Variants in CFAP90 observed in about 807,000 individuals in gnomAD.
The protein encoded by CFAP90 is cilia and flagella associated protein 90, also known as cilia- and flagella-associated protein 90.
the CFAP90 span, among the ~76,000 whole-genome samples, chr5:7,848,479 C>A: frequency 1.3e-5 from 2 of 152,184 alleles, no homozygotes; most frequent in Non-Finnish European, 2.9e-5. Context: ...CGTGGCTTAA[C>A]CAACAGAATT....
chr5:7,831,855 A>T, the CFAP90 span: 3 of 1,611,916 alleles, frequency 1.9e-6, no homozygotes, highest in Non-Finnish European at 2.5e-6. Flanking sequence ...ATGCTTCAGG[A>T]TGGAGCAATG....
At chr5:7,850,092 C>A in the CFAP90 span, among the ~76,000 whole-genome samples, 9 of 152,266 alleles carry the variant, frequency 5.9e-5, no homozygotes, top group South Asian at 1.9e-3. Flanking sequence ...AGCATTCCCG[C>A]GACTCCCAGC....
the CFAP90 span, chr5:7,851,052 C>T: frequency 8.1e-7 from 1 of 1,236,776 alleles, no homozygotes; most frequent in Admixed American, 4.2e-5. Flanking sequence ...CCGCCTTGGC[C>T]GCGGTCCGTC....
the CFAP90 span, among the ~76,000 whole-genome samples, chr5:7,842,467 G>A: frequency 1.3e-5 from 2 of 151,840 alleles, no homozygotes; most frequent in South Asian, 2.1e-4. Context: ...GGCCAGGAAT[G>A]TGGGTGACTC....
chr5:7,849,093 T>A, the CFAP90 span, among the ~76,000 whole-genome samples: 1 of 152,234 alleles, frequency 6.6e-6, no homozygotes, highest in Non-Finnish European at 1.5e-5. Context: ...ATTTTGATTA[T>A]CTCTGTAAAA....
At chr5:7,847,909 C>T in the CFAP90 span, among the ~76,000 whole-genome samples, 1 of 152,206 alleles carries the variant, frequency 6.6e-6, no homozygotes, top group African/African-American at 2.4e-5. Context: ...ATCTTATTTA[C>T]AGGATCCCTC....
At chr5:7,842,152 C>A in the CFAP90 span, among the ~76,000 whole-genome samples, 1 of 151,904 alleles carries the variant, frequency 6.6e-6, no homozygotes, top group African/African-American at 2.4e-5. Context: ...CTCCTCCCAA[C>A]CTGAGAAGCA....
At chr5:7,845,147 A>C in the CFAP90 span, among the ~76,000 whole-genome samples, 2 of 152,128 alleles carry the variant, frequency 1.3e-5, no homozygotes, top group South Asian at 4.1e-4. Flanking sequence ...TGCCACTTTT[A>C]AACCATCAGA....
chr5:7,848,800 G>T, the CFAP90 span, among the ~76,000 whole-genome samples: 1 of 152,166 alleles, frequency 6.6e-6, no homozygotes, highest in African/African-American at 2.4e-5. Flanking sequence ...TAAGGGTCTT[G>T]CCTCTTCACT....
the CFAP90 span, among the ~76,000 whole-genome samples, chr5:7,850,612 C>T: frequency 6.8e-6 from 1 of 146,736 alleles, no homozygotes; most frequent in East Asian, 2.1e-4. Flanking sequence ...GGCCCCCTCC[C>T]CTAAGGTGAG....
At chr5:7,836,628 T>C in the CFAP90 span, among the ~76,000 whole-genome samples, 1 of 152,164 alleles carries the variant, frequency 6.6e-6, no homozygotes, top group African/African-American at 2.4e-5. Context: ...TTGGAGAAGA[T>C]ACAATGGTCT....
chr5:7,847,282 C>T, the CFAP90 span, among the ~76,000 whole-genome samples: 2 of 152,150 alleles, frequency 1.3e-5, no homozygotes, highest in African/African-American at 2.4e-5. Context: ...TCTGTAGCAT[C>T]GTTTTCTTTT....
the CFAP90 span, among the ~76,000 whole-genome samples, chr5:7,834,553 G>A: frequency 6.6e-6 from 1 of 152,084 alleles, no homozygotes. Context: ...GTACAGTAAT[G>A]TCCTAGGCCT....
chr5:7,850,606 C>G, the CFAP90 span, among the ~76,000 whole-genome samples: 1 of 144,114 alleles, frequency 6.9e-6, no homozygotes, highest in East Asian at 2.2e-4. Flanking sequence ...CCCCCAGGCC[C>G]CCTCCCCTAA....
chr5:7,848,892 T>A, the CFAP90 span, among the ~76,000 whole-genome samples: 6 of 152,240 alleles, frequency 3.9e-5, no homozygotes, highest in Non-Finnish European at 8.8e-5. Context: ...TCCTGAGTCC[T>A]TCCCAGCCAT....
At chr5:7,845,502 G>C in the CFAP90 span, among the ~76,000 whole-genome samples, 1 of 152,162 alleles carries the variant, frequency 6.6e-6, no homozygotes, top group Admixed American at 6.5e-5. Context: ...CTATCCACAA[G>C]CCCCCTCAGC....
At chr5:7,850,821 CA>C in the CFAP90 span, 1 of 1,226,952 alleles carries the variant, frequency 8.2e-7, no homozygotes. Flanking sequence ...CCCAGCCGCC[CA>C]GCCGCCCAGC....
the CFAP90 span, among the ~76,000 whole-genome samples, chr5:7,839,031 G>A: frequency 2.0e-5 from 3 of 152,172 alleles, no homozygotes; most frequent in South Asian, 2.1e-4. Flanking sequence ...TGGATGATGT[G>A]TGGGGAGGCC....
chr5:7,843,720 T>G, the CFAP90 span, among the ~76,000 whole-genome samples: 1 of 152,296 alleles, frequency 6.6e-6, no homozygotes, highest in African/African-American at 2.4e-5. Flanking sequence ...TCGAATTCAA[T>G]CTTATATGTT....
Sources: gnomAD v4.1 joint callset for allele counts (sites outside exome capture counted in the v4.1 genomes callset) on GRCh38, gnomAD v4.1.1 for gene constraint, MANE v1.5 for transcripts, NCBI Gene and HGNC (gene_info 2026-07-23, HGNC 2026-07-21) for gene names.